The following SNX30 variants were observed in gnomAD, a reference collection of about 807,000 sequenced individuals.
SNX30 encodes the protein sorting nexin family member 30, also known as sorting nexin-30.
SNX30 carries 24 observed loss-of-function variants against 46.4 expected under a neutral mutation model. The ratio of observed to expected loss-of-function variants is 0.52; its 90% confidence interval spans 0.37 to 0.73. The LOEUF (loss-of-function observed/expected upper bound fraction) is 0.73, where lower values mean the gene tolerates loss of function less well. SNX30 is among the 30% of genes least tolerant of loss of function. The pLI, the probability that SNX30 is intolerant of heterozygous loss-of-function variation, is 0.00. For missense variants in SNX30, 533 were observed against 555.7 expected (o/e 0.96, Z 0.41); for synonymous variants, 189 against 211.5 (o/e 0.89, Z 0.92).
chr9:112,821,467 G>A (rs188135182), intron 3 of SNX30, among the ~76,000 whole-genome samples: 1 of 151,854 alleles, frequency 6.6e-6, no homozygotes, highest in Non-Finnish European at 1.5e-5. Flanking sequence ...GTGTGTATAT[G>A]TGTGTATATA....
At chr9:112,758,351 A>G (rs1839383059) in intron 1 of SNX30, among the ~76,000 whole-genome samples, 1 of 150,806 alleles carries the variant, frequency 6.6e-6, no homozygotes, top group Non-Finnish European at 1.5e-5. Flanking sequence ...TTTTTTTGAG[A>G]CAGTATCTGG....
intron 6 of SNX30, among the ~76,000 whole-genome samples, chr9:112,847,622 C>T (rs182899638): frequency 6.6e-6 from 1 of 152,168 alleles, no homozygotes; most frequent in East Asian, 1.9e-4. Context: ...CTTCTTTGTC[C>T]ATTTATTTTT....
chr9:112,847,098 G>A (rs1009294301), intron 6 of SNX30, among the ~76,000 whole-genome samples: 1 of 152,170 alleles, frequency 6.6e-6, no homozygotes, highest in Admixed American at 6.5e-5. Context: ...AGTATTTCGT[G>A]GATGACATAA....
chr9:112,770,696 A>G (rs998040744), intron 1 of SNX30, among the ~76,000 whole-genome samples: 7 of 151,882 alleles, frequency 4.6e-5, no homozygotes, highest in Non-Finnish European at 8.8e-5. Flanking sequence ...ACCTCCCTGT[A>G]TAAACTAGTA....
intron 1 of SNX30, among the ~76,000 whole-genome samples, chr9:112,771,210 A>G (rs1383407180): frequency 6.6e-6 from 1 of 152,212 alleles, no homozygotes; most frequent in East Asian, 1.9e-4. Context: ...TGCATGAACC[A>G]AACCTGGTAT....
At chr9:112,772,986 C>T (rs894849035) in intron 1 of SNX30, among the ~76,000 whole-genome samples, 4 of 152,200 alleles carry the variant, frequency 2.6e-5, no homozygotes, top group African/African-American at 9.7e-5. Flanking sequence ...ATCTGTTAAT[C>T]TGTTAATTGT....
intron 2 of SNX30, among the ~76,000 whole-genome samples, chr9:112,809,971 G>A (rs1048881660): frequency 6.6e-6 from 1 of 152,160 alleles, no homozygotes; most frequent in African/African-American, 2.4e-5. Context: ...GAAGATTGGA[G>A]AGTAGGATGG....
At chr9:112,814,443 G>A (rs1840366767) in intron 2 of SNX30, among the ~76,000 whole-genome samples, 1 of 152,090 alleles carries the variant, frequency 6.6e-6, no homozygotes, top group African/African-American at 2.4e-5. Flanking sequence ...GTTTTGCCAT[G>A]TTGCTCAGGC....
At chr9:112,862,861 A>G (rs577572521) in intron 7 of SNX30, among the ~76,000 whole-genome samples, 5 of 149,046 alleles carry the variant, frequency 3.4e-5, no homozygotes, top group African/African-American at 1.2e-4. Flanking sequence ...TCAGCCCAGT[A>G]TTTTTTTTTT....
downstream of SNX30, among the ~76,000 whole-genome samples, chr9:112,876,214 G>A (rs1289900954): frequency 6.6e-6 from 1 of 152,200 alleles, no homozygotes. Flanking sequence ...GGTGAAAATA[G>A]CCGATTTAAG....
chr9:112,868,714 G>T, intron 8 of SNX30, 70 bp from the exon 9 acceptor site: 1 of 1,541,714 alleles, frequency 6.5e-7, no homozygotes, highest in South Asian at 1.1e-5. Flanking sequence ...GGGTAGGTCA[G>T]AGCAGAATTG....
At chr9:112,823,823 AGT>A (rs1355644746) in intron 3 of SNX30, among the ~76,000 whole-genome samples, 1 of 152,182 alleles carries the variant, frequency 6.6e-6, no homozygotes, top group African/African-American at 2.4e-5. Flanking sequence ...TCAATGGATA[AGT>A]TAATAAGTAT....
chr9:112,879,540 G>A (rs1564302891), downstream of SNX30: 3 of 514,544 alleles, frequency 5.8e-6, no homozygotes, highest in Non-Finnish European at 7.1e-6. Context: ...TGCCTAATGG[G>A]GGTGTCTTAA....
At chr9:112,838,977 G>A (rs1003445955) in intron 6 of SNX30, among the ~76,000 whole-genome samples, 13 of 152,200 alleles carry the variant, frequency 8.5e-5, no homozygotes, top group African/African-American at 2.9e-4. Flanking sequence ...AGATGCCATG[G>A]AAAAGTAATA....
At chr9:112,864,763 C>A (rs1361786214) in intron 8 of SNX30, among the ~76,000 whole-genome samples, 1 of 152,112 alleles carries the variant, frequency 6.6e-6, no homozygotes, top group Non-Finnish European at 1.5e-5. Flanking sequence ...GTTCTGTACA[C>A]AGGGTCCCTT....
intron 1 of SNX30, 133 bp downstream of exon 1, chr9:112,751,290 C>T: frequency 8.8e-7 from 1 of 1,139,992 alleles, no homozygotes; most frequent in South Asian, 2.6e-5. Context: ...CGTGTCCTGG[C>T]CCCGGAGCCC....
At chr9:112,794,284 C>T (rs902055053) in intron 1 of SNX30, among the ~76,000 whole-genome samples, 2 of 151,958 alleles carry the variant, frequency 1.3e-5, no homozygotes, top group African/African-American at 2.4e-5. Context: ...TCCTGAGTAG[C>T]GGGGATTACA....
intron 8 of SNX30, among the ~76,000 whole-genome samples, chr9:112,867,699 G>A (rs1210847672): frequency 7.1e-6 from 1 of 140,186 alleles, no homozygotes; most frequent in Non-Finnish European, 1.5e-5. Flanking sequence ...CAGAACTCCC[G>A]CTCCTCACAC....
chr9:112,876,004 A>G (rs1364122653), downstream of SNX30: 4 of 152,060 alleles, frequency 2.6e-5, no homozygotes, highest in Non-Finnish European at 4.4e-5. Context: ...CCAGGCTGGT[A>G]TTGAACTCCT....
Sources: allele counts gnomAD v4.1 joint callset (sites outside exome capture counted in the v4.1 genomes callset), GRCh38; gene constraint gnomAD v4.1.1; transcripts MANE v1.5; gene names NCBI Gene and HGNC (gene_info 2026-07-23, HGNC 2026-07-21).